Variants in ONECUT3 observed in about 807,000 individuals in gnomAD.
ONECUT3 encodes the protein one cut domain family member 3.
Under a neutral mutation model 16.8 loss-of-function variants are expected in ONECUT3, and 11 were observed. The ratio of observed to expected loss-of-function variants is 0.66; its 90% CI spans 0.41 to 1.09. ONECUT3 has a LOEUF of 1.09. ONECUT3 is among the 50% of genes least tolerant of loss of function. ONECUT3 has a pLI of 0.00. For missense variants in ONECUT3, 637 were observed against 629.9 expected (o/e 1.01, Z -0.12); for synonymous variants, 344 against 310.7 (o/e 1.11, Z -1.13).
chr19:1,753,600 G>T lies in ONECUT3; in HGVS notation c.-63G>T. On this transcript the variant is annotated 5_prime_UTR_variant, in exon 1 of 2. It removes an upstream start codon present in the reference 5' UTR. Transcript: ENST00000382349. ...CCACCGGGGAGCGGGCGGGAGTCAT[G>T]CAGCGGCCTTGAGCACTAGGGGCCG... The T allele has an allele frequency of 1.8e-6, 1 of 562,592 alleles. No individual in the cohort carries two copies. The highest frequency in any genetic ancestry group is 2.3e-6 in the Non-Finnish European group (1 of 433,544). 34.9% of individuals were successfully genotyped at this position (562,592 alleles called of 1,614,324 possible). A position where few individuals can be genotyped will look rare whatever the true frequency, so the allele number is the denominator to read the frequency against.
In ONECUT3 at chr19:1,764,061, G is replaced by A. The variant is rs577605206; in HGVS notation, c.1192+9207G>A. Among the ~76,000 whole-genome samples the A allele has an allele frequency of 6.6e-6, 1 of 152,312 alleles. No homozygotes were observed. Among genetic ancestry groups the A allele is most frequent in the East Asian group, 1.9e-4 (1 of 5,190 alleles). Reference sequence around the variant, plus strand: ...CCCTTTCTGGGTGGCCGCTTCAGCCGCTTCTTATCACTGATTCCTTTCCTG... The same window carrying A: ...CCCTTTCTGGGTGGCCGCTTCAGCCACTTCTTATCACTGATTCCTTTCCTG... On this transcript the variant is annotated intron_variant, in intron 1 of 1. Transcript: ENST00000382349. This position sits in a 1 kb window ranked among gnomAD's most constrained non-coding sequence, Gnocchi z 5.0.
rs1348444482 is a variant in ONECUT3, at chr19:1,775,348, T to A, written c.1388T>A (p.Met463Lys). Residue 463 changes from methionine (M) to lysine (K), a missense_variant, in exon 2 of 2, where the codon ATG becomes AAG. Transcript: ENST00000382349. ...CTCAACACCGTCAGCAACTTCTTCA[T>A]GAACGCGCGGCGCCGCTGCATGAAC... ...LELNTVSNFF[M>K]NARRRCMNRW... 1 of 1,567,554 alleles carries A rather than the reference T, an allele frequency of 6.4e-7. No individual in the cohort carries two copies. Among genetic ancestry groups the A allele is most frequent in the Non-Finnish European group, 8.6e-7 (1 of 1,156,852 alleles).
In ONECUT3 at chr19:1,759,582, G is replaced by A. The variant is rs1446612273; in HGVS notation, c.1192+4728G>A. 6.6e-6 allele frequency among the ~76,000 whole-genome samples: 1 copy of A among 152,110 alleles called. No homozygotes were observed. The highest frequency in any genetic ancestry group is 1.5e-5 in the Non-Finnish European group (1 of 68,038). On this transcript the variant is annotated intron_variant, in intron 1 of 1. Transcript: ENST00000382349. This position sits in a 1 kb window ranked among gnomAD's most constrained non-coding sequence, Gnocchi z 4.1. Reference sequence around the variant, plus strand: ...CAAAAACCCCACTTTCCACTGCAAGGGGTCCACGCCTCTTACGGACACCCC... The same window carrying A: ...CAAAAACCCCACTTTCCACTGCAAGAGGTCCACGCCTCTTACGGACACCCC...
chr19:1,757,453 G>A (rs894686658), intron 1 of ONECUT3, among the ~76,000 whole-genome samples: 2 of 152,244 alleles, frequency 1.3e-5, no homozygotes, highest in Non-Finnish European at 2.9e-5. Flanking sequence ...CCGGAGGGGT[G>A]AGCGCAGCTC....
Position 1,775,137 on chromosome 19 carries a change from C to CGCCA in ONECUT3, c.1193-13_1193-12insAGCC. ...GCTGTGTCCCGCTCGCCCGCCCGCCCGCCGCTCGCCCGCAGCCTGCAAGCG... is the reference window on the plus strand; with the variant it reads ...GCTGTGTCCCGCTCGCCCGCCCGCCCGCCAGCCGCTCGCCCGCAGCCTGCAAGCG... On this transcript the variant is annotated splice_polypyrimidine_tract_variant and intron_variant, in intron 1 of 1. Transcript: ENST00000382349. The CGCCA allele has an allele frequency of 7.4e-7, 1 of 1,342,910 alleles. No individual in the cohort carries two copies. Among genetic ancestry groups the CGCCA allele is most frequent in the South Asian group, 1.5e-5 (1 of 66,362 alleles). The allele number at this position is 1,342,910 out of a possible 1,614,324, so 83.2% of individuals were successfully genotyped here.
rs972553197 is a variant in ONECUT3, at chr19:1,755,530, C to G, written c.1192+676C>G. On this transcript the variant is annotated intron_variant, in intron 1 of 1. Coordinates refer to ENST00000382349, the MANE Select transcript of ONECUT3 (RefSeq NM_001080488.2). The surrounding 1 kb of genome is among the most constrained non-coding windows in gnomAD (Gnocchi z 7.5). ...CCCCGGGGACCCTCGGCCCGCGCCG[C>G]CCGGAGGCCTTCACACCCCGACCCG... Among the ~76,000 whole-genome samples, 2 of 151,994 alleles carry G rather than the reference C, an allele frequency of 1.3e-5. No individual in the cohort carries two copies. The highest frequency in any genetic ancestry group is 2.9e-5 in the Non-Finnish European group (2 of 67,962).
intron 1 of ONECUT3, among the ~76,000 whole-genome samples, chr19:1,771,281 T>A (rs573657464): frequency 6.6e-6 from 1 of 152,186 alleles, no homozygotes; most frequent in African/African-American, 2.4e-5. Flanking sequence ...TTCAGCTAGG[T>A]TGGATCACAT....
At position 1,775,136 on chromosome 19, in the gene ONECUT3, C is replaced by CCCCCCCCCCCG; in HGVS notation, c.1193-16_1193-15insCCCCCCCCCGC. ...CGCTGTGTCCCGCTCGCCCGCCCGC[C>CCCCCCCCCCCG]CGCCGCTCGCCCGCAGCCTGCAAGC... On this transcript the variant is annotated splice_polypyrimidine_tract_variant and intron_variant, in intron 1 of 1. Transcript: ENST00000382349. The CCCCCCCCCCCG allele has an allele frequency of 2.3e-6, 3 of 1,329,752 alleles. No individual in the cohort carries two copies. Among genetic ancestry groups the CCCCCCCCCCCG allele is most frequent in the Non-Finnish European group, 3.0e-6 (3 of 988,478 alleles). 82.4% of individuals were successfully genotyped at this position (1,329,752 alleles called of 1,614,324 possible). A position where few individuals can be genotyped will look rare whatever the true frequency, so the allele number is the denominator to read the frequency against.
chr19:1,763,086 G>C (rs902281221), intron 1 of ONECUT3, among the ~76,000 whole-genome samples: 1 of 151,884 alleles, frequency 6.6e-6, no homozygotes, highest in East Asian at 1.9e-4. Context: ...AGATGTGGCC[G>C]GGTGCGGTGG....
rs894133832 is a variant in ONECUT3, at chr19:1,778,013, A to C, written c.*2568A>C. ...TCCCTCTCAAAAAAAAAAAAAAAAAAAAAAACTTTAGGTCCAAGAAGATGC... is the reference window on the plus strand; with the variant it reads ...TCCCTCTCAAAAAAAAAAAAAAAAACAAAAACTTTAGGTCCAAGAAGATGC... On this transcript the variant is annotated 3_prime_UTR_variant, in exon 2 of 2. Coordinates refer to ENST00000382349, the MANE Select transcript of ONECUT3 (RefSeq NM_001080488.2). 5 of 151,814 alleles carry C rather than the reference A, an allele frequency of 3.3e-5. No individual in the cohort carries two copies. Among genetic ancestry groups the C allele is most frequent in the Non-Finnish European group, 7.4e-5 (5 of 67,944 alleles). 9.4% of individuals were successfully genotyped at this position (151,814 alleles called of 1,614,324 possible).
At chr19:1,757,362 A>G (rs921062687) in intron 1 of ONECUT3, among the ~76,000 whole-genome samples, 1 of 152,222 alleles carries the variant, frequency 6.6e-6, no homozygotes, top group Non-Finnish European at 1.5e-5. Flanking sequence ...AATGACAAAC[A>G]GTCTCAGCTC....
chr19:1,763,741 T>G (rs1484913145), intron 1 of ONECUT3, among the ~76,000 whole-genome samples: 13 of 136,802 alleles, frequency 9.5e-5, no homozygotes, highest in African/African-American at 2.5e-4. Context: ...TGTTTTTTTT[T>G]TTTTTTTAAC....
At position 1,779,432 on chromosome 19, in the gene ONECUT3, GGAGAGA is replaced by G. The variant is rs1222533288; in HGVS notation, c.*3991_*3996del. 6.6e-6 allele frequency: 1 copy of G among 151,444 alleles called. No individual in the cohort carries two copies. The highest frequency in any genetic ancestry group is 1.5e-5 in the Non-Finnish European group (1 of 67,868). 9.4% of individuals were successfully genotyped at this position (151,444 alleles called of 1,614,324 possible). On this transcript the variant is annotated 3_prime_UTR_variant, in exon 2 of 2. Transcript: ENST00000382349. The stretch of plus-strand genomic sequence containing the variant: ...GAGCGAGCGCAAGAGAGAGAGAGAG[GGAGAGA>G]GAGGGAGAGGGAGAGAGAGAGGCAG...
At chr19:1,770,821 G>A (rs1314426145) in intron 1 of ONECUT3, among the ~76,000 whole-genome samples, 1 of 152,162 alleles carries the variant, frequency 6.6e-6, no homozygotes, top group Non-Finnish European at 1.5e-5. Flanking sequence ...TATAAACATA[G>A]GTTCTTGTCT....
chr19:1,770,244 C>CAT (rs1005446474), intron 1 of ONECUT3, among the ~76,000 whole-genome samples: 61 of 152,194 alleles, frequency 4.0e-4, no homozygotes, highest in African/African-American at 1.3e-3. Context: ...AAACAAAAAA[C>CAT]ATATATATAT....
chr19:1,753,920 C>G lies in ONECUT3; in HGVS notation c.258C>G (p.Gly86=), dbSNP rs1474432796. Residue 86 remains glycine (G), a synonymous_variant, in exon 1 of 2, where the codon GGC becomes GGG. Coordinates refer to ENST00000382349, the MANE Select transcript of ONECUT3 (RefSeq NM_001080488.2). ...CGGACTTCCGCGGGGAACTGGCGGG[C>G]CCGCTGCACCCGGCAATGGGCATGG... The part of the protein sequence containing the change: ...GGADFRGELA[G]PLHPAMGMAC... 6.1e-6 allele frequency: 6 copies of G among 983,884 alleles called. No homozygotes were observed. Among genetic ancestry groups the G allele is most frequent in the Non-Finnish European group, 6.0e-6 (5 of 830,656 alleles). The allele number at this position is 983,884 out of a possible 1,614,324, so 60.9% of individuals were successfully genotyped here. A position where few individuals can be genotyped will look rare whatever the true frequency, so the allele number is the denominator to read the frequency against.
At chr19:1,769,527 G>A (rs936657200) in intron 1 of ONECUT3, among the ~76,000 whole-genome samples, 1 of 152,050 alleles carries the variant, frequency 6.6e-6, no homozygotes, top group African/African-American at 2.4e-5. Flanking sequence ...CTGCACAAGG[G>A]GTCCATAACC....
Position 1,754,072 on chromosome 19 carries a change from A to G in ONECUT3, c.410A>G (p.His137Arg). The change falls in exon 1 of 2, where the codon CAC becomes CGC. Residue 137 changes from histidine to arginine, a missense_variant. Physicochemically the swap from His to Arg is conservative, Grantham distance 29. This residue lies in a region of ONECUT3 where 419 missense variants were observed against 377.9 expected (regional missense o/e 1.11). Transcript: ENST00000382349. The surrounding 1 kb of genome is among the most constrained non-coding windows in gnomAD (Gnocchi z 7.4). ...HAAAAAVAGAHGGHPHAHPHP... is the reference protein window; with the variant it reads ...HAAAAAVAGARGGHPHAHPHP... ...GCGGCCGCGGCCGTGGCCGGGGCGC[A>G]CGGCGGCCATCCCCACGCGCACCCG... 1 of 997,768 alleles carries G rather than the reference A, an allele frequency of 1.0e-6. No homozygotes were observed. Among genetic ancestry groups the G allele is most frequent in the Non-Finnish European group, 1.2e-6 (1 of 840,332 alleles). The allele number at this position is 997,768 out of a possible 1,614,324, so 61.8% of individuals were successfully genotyped here. A position where few individuals can be genotyped will look rare whatever the true frequency, so the allele number is the denominator to read the frequency against.
intron 1 of ONECUT3, among the ~76,000 whole-genome samples, chr19:1,760,275 C>G (rs543419165): frequency 6.6e-6 from 1 of 152,210 alleles, no homozygotes; most frequent in Non-Finnish European, 1.5e-5. Context: ...GCTCTGACCC[C>G]GCTGAGTCTG....
Sources: allele counts gnomAD v4.1 joint callset (sites outside exome capture counted in the v4.1 genomes callset), GRCh38; gene constraint gnomAD v4.1.1; regional missense constraint gnomAD v4.1.1; non-coding constraint Gnocchi (gnomAD v3.1); transcripts MANE v1.5; gene names NCBI Gene and HGNC (gene_info 2026-07-23, HGNC 2026-07-21).